Variants in GZMM observed in about 807,000 individuals in gnomAD.
GZMM encodes the protein HU-Met-1.
GZMM carries 23 observed loss-of-function variants against 19.2 expected under a neutral mutation model. The observed-to-expected ratio is 1.20, with a 90% confidence interval of 0.86 to 1.69. The LOEUF is 1.69. Ranked by LOEUF, GZMM falls within the 40% of genes most tolerant of loss-of-function variation. The pLI is 0.00. For missense variants in GZMM, 373 were observed against 352.2 expected, an observed-to-expected ratio of 1.06 and a Z score of -0.47; for synonymous variants, 178 against 160.2, an observed-to-expected ratio of 1.11 and a Z score of -0.84.
intron 2 of GZMM, 38 bp from the exon 3 acceptor site, chr19:548,504 G>C: frequency 6.2e-7 from 1 of 1,606,664 alleles, no homozygotes; most frequent in East Asian, 2.2e-5. Context: ...CGTCCACGCC[G>C]GGCCAGGCCG....
intron 1 of GZMM, among the ~76,000 whole-genome samples, chr19:546,357 G>A (rs868686883): frequency 3.8e-4 from 57 of 151,484 alleles, no homozygotes; most frequent in Non-Finnish European, 6.8e-4. Context: ...TGGCCAACAC[G>A]GCGAAACCCT....
chr19:549,017 C>T lies in GZMM; in HGVS notation c.444C>T (p.Ala148=), dbSNP rs372337474. The change falls in exon 4 of 5, where the codon GCC becomes GCT. Residue 148 remains alanine (A), a synonymous_variant. Transcript: ENST00000264553. ...VVAAGTRCSM[A]GWGLTHQGGR... is the part of the protein sequence containing the mutation. ...CAGCAGGGACTCGGTGCAGCATGGCCGGCTGGGGGCTGACCCACCAGGGCG... is the reference window on the plus strand; with the variant it reads ...CAGCAGGGACTCGGTGCAGCATGGCTGGCTGGGGGCTGACCCACCAGGGCG... The T allele has an allele frequency of 1.1e-5, 18 of 1,602,390 alleles. No homozygotes were observed. The East Asian group carries it at 1.1e-4, about 10-fold the overall frequency.
At chr19:546,185 A>T (rs1396659384) in intron 1 of GZMM, among the ~76,000 whole-genome samples, 1 of 152,232 alleles carries the variant, frequency 6.6e-6, no homozygotes, top group Non-Finnish European at 1.5e-5. Flanking sequence ...TGATTGATTT[A>T]AAATAATTTT....
chr19:548,979 C>G lies in GZMM; in HGVS notation c.406C>G (p.Arg136Gly), dbSNP rs140428817. The part of the protein sequence containing the change: ...TIRPLALPSK[R>G]QVVAAGTRCS... ...CCGGCCGTTGGCCCTGCCCAGTAAG[C>G]GCCAGGTGGTGGCAGCAGGGACTCG... The change falls in exon 4 of 5, where the codon CGC becomes GGC. Residue 136 changes from arginine (R) to glycine (G), a missense_variant. Physicochemically the swap from Arg to Gly is moderately radical, Grantham distance 125. Coordinates refer to ENST00000264553, the MANE Select transcript of GZMM (RefSeq NM_005317.4). 4 of 1,603,596 alleles carry G rather than the reference C, an allele frequency of 2.5e-6. No individual in the cohort carries two copies. In the Admixed American group the frequency reaches 6.7e-5, roughly 27 times the overall value.
chr19:548,317 G>T (rs1337005948), intron 2 of GZMM, among the ~76,000 whole-genome samples: 1 of 152,146 alleles, frequency 6.6e-6, no homozygotes, highest in African/African-American at 2.4e-5. Flanking sequence ...CCTTGCCTGG[G>T]GCCAGGGCCG....
intron 1 of GZMM, among the ~76,000 whole-genome samples, chr19:544,382 G>A (rs903942446): frequency 6.6e-6 from 1 of 152,156 alleles, no homozygotes; most frequent in Non-Finnish European, 1.5e-5. Flanking sequence ...AGAAGGCAGG[G>A]GTCACGCTCA....
intron 1 of GZMM, 138 bp downstream of exon 1, chr19:544,264 G>A (rs1242032107): frequency 1.4e-6 from 1 of 730,904 alleles, no homozygotes; most frequent in East Asian, 2.7e-5. Flanking sequence ...GGGGACTGAG[G>A]CCTGGGGCAT....
chr19:547,280 G>T lies in GZMM; in HGVS notation c.56G>T (p.Gly19Val), dbSNP rs762870720. Residue 19 changes from glycine (G) to valine (V), a missense_variant and splice_region_variant, in exon 2 of 5, where the codon GGC (glycine) becomes GTC (valine). By Grantham distance (109) the Gly-to-Val change is moderately radical. Coordinates refer to ENST00000264553, the MANE Select transcript of GZMM (RefSeq NM_005317.4). ...LVLALGALSV[G>V]SSFGTQIIGG... is the part of the protein sequence containing the mutation. ...GGCTCTTTGTCCCCCATCCTGGCAGGCAGCTCCTTTGGGACCCAGATCATC... is the reference window on the plus strand; with the variant it reads ...GGCTCTTTGTCCCCCATCCTGGCAGTCAGCTCCTTTGGGACCCAGATCATC... 2 of 1,509,364 alleles carry T rather than the reference G, an allele frequency of 1.3e-6. No homozygotes were observed. The highest frequency in any genetic ancestry group is 1.4e-5 in the African/African-American group (1 of 70,210). 93.5% of individuals were successfully genotyped at this position (1,509,364 alleles called of 1,614,324 possible).
At chr19:545,386 C>T (rs1980236785) in intron 1 of GZMM, among the ~76,000 whole-genome samples, 1 of 152,216 alleles carries the variant, frequency 6.6e-6, no homozygotes, top group Admixed American at 6.5e-5. Flanking sequence ...GCACTCTTGT[C>T]ACCCAGGCTG....
chr19:544,802 C>G (rs1340109391), intron 1 of GZMM, among the ~76,000 whole-genome samples: 1 of 145,408 alleles, frequency 6.9e-6, no homozygotes, highest in Non-Finnish European at 1.5e-5. Context: ...TTCCACCCAC[C>G]CATCCATCAT....
At chr19:545,118 C>CTTT (rs1980224260) in intron 1 of GZMM, among the ~76,000 whole-genome samples, 3 of 151,544 alleles carry the variant, frequency 2.0e-5, no homozygotes, top group Admixed American at 6.6e-5. Context: ...TCCTTTCTCC[C>CTTT]GTGCTTCTGT....
rs143288931 is a variant in GZMM, at chr19:544,655, T to C, written c.55+529T>C. Among the ~76,000 whole-genome samples the C allele has an allele frequency of 5.0e-3, 758 of 151,998 alleles. 3 individuals carry two copies. Among genetic ancestry groups the C allele is most frequent in the South Asian group, 0.017 (83 of 4,796 alleles). The stretch of plus-strand genomic sequence containing the variant: ...ACAGAGGTAGGAATCCAGCCGTCAG[T>C]CATCATCATCCTTCCTCCCATTTTT... On this transcript the variant is annotated intron_variant, in intron 1 of 4. Transcript: ENST00000264553.
At chr19:549,531 T>A in intron 4 of GZMM, 99 bp from the exon 5 acceptor site, 1 of 1,266,724 alleles carries the variant, frequency 7.9e-7, no homozygotes, top group Non-Finnish European at 1.1e-6. Flanking sequence ...TCCTTGAGCC[T>A]GGGGATAACA....
chr19:548,922 C>G lies in GZMM; in HGVS notation c.349C>G (p.Leu117Val). ...ACCTGCCCCTTCCTGTCACTCGTAG[C>G]TGGACGGGAAAGTGAAGCCCAGCCG... ...ALENDLALLQ[L>V]DGKVKPSRTI... Residue 117 changes from leucine (L) to valine (V), a missense_variant and splice_region_variant, in exon 4 of 5, where the codon CTG (leucine) becomes GTG (valine). Transcript: ENST00000264553. 1 of 1,562,280 alleles carries G rather than the reference C, an allele frequency of 6.4e-7. No homozygotes were observed. Among genetic ancestry groups the G allele is most frequent in the Non-Finnish European group, 8.7e-7 (1 of 1,151,550 alleles).
In GZMM at chr19:549,129, C is replaced by T. The variant is rs1444856871; in HGVS notation, c.556C>T (p.Leu186Phe). 17 of 1,580,254 alleles carry T rather than the reference C, an allele frequency of 1.1e-5. No homozygotes were observed. The highest frequency in any genetic ancestry group is 1.5e-5 in the Non-Finnish European group (17 of 1,164,132). ...CNNSRFWNGS[L>F]SPSMVCLAAD... is the part of the protein sequence containing the mutation. ...CAACAGCCGCTTCTGGAACGGCAGCCTCTCCCCCAGCATGGTCTGCCTGGC... is the reference window on the plus strand; with the variant it reads ...CAACAGCCGCTTCTGGAACGGCAGCTTCTCCCCCAGCATGGTCTGCCTGGC... The change falls in exon 4 of 5, where the codon CTC becomes TTC. Residue 186 changes from leucine (L) to phenylalanine (F), a missense_variant. Transcript: ENST00000264553.
Position 544,117 on chromosome 19 carries a change from C to G in GZMM, c.46C>G (p.Leu16Val). 6.5e-7 allele frequency: 1 copy of G among 1,545,052 alleles called. No homozygotes were observed. Among genetic ancestry groups the G allele is most frequent in the East Asian group, 2.4e-5 (1 of 41,078 alleles). The change falls in exon 1 of 5, where the codon CTG becomes GTG. Residue 16 changes from leucine (L) to valine (V), a missense_variant. Coordinates refer to ENST00000264553, the MANE Select transcript of GZMM (RefSeq NM_005317.4). The part of the protein sequence containing the change: ...SSLLVLALGA[L>V]SVGSSFGTQI... ...ACTGCTGGTGCTGGCCCTGGGGGCC[C>G]TGTCAGTAGGTGAGTGGGAGCCGGG... is the stretch of plus-strand genomic sequence containing the variant.
intron 3 of GZMM, 101 bp downstream of exon 3, chr19:548,778 C>CGCTGCCGACCCTCCCCCCGT (rs1980389876): frequency 1.3e-6 from 1 of 754,910 alleles, no homozygotes; most frequent in Admixed American, 2.5e-5. Context: ...CCTCCCCCCG[C>CGCTGCCGACCCTCCCCCCGT]ACTGCTGCCC....
At chr19:548,805 G>A in intron 3 of GZMM, 117 bp from the exon 4 acceptor site, 1 of 424,274 alleles carries the variant, frequency 2.4e-6, no homozygotes, top group Non-Finnish European at 3.9e-6. Context: ...CCGCACTACT[G>A]CCCCCTCCCC....
rs760557962 is a variant in GZMM at position 549,728 on chromosome 19, C to CG, written c.712dup (p.Val238GlyfsTer?). The stretch of plus-strand genomic sequence containing the variant: ...TCTGCACTGACATCTTCAAGCCTCC[C>CG]GTGGCCACCGCTGTGGCGCCTTACG... On this transcript the variant is annotated frameshift_variant, in exon 5 of 5. Transcript: ENST00000264553. LOFTEE classifies it low-confidence loss of function (END_TRUNC). 3 of 1,613,670 alleles carry CG rather than the reference C, an allele frequency of 1.9e-6. No homozygotes were observed. Among genetic ancestry groups the CG allele is most frequent in the Non-Finnish European group, 2.5e-6 (3 of 1,179,874 alleles).
Sources: allele counts gnomAD v4.1 joint callset (sites outside exome capture counted in the v4.1 genomes callset), GRCh38; gene constraint gnomAD v4.1.1; transcripts MANE v1.5; gene names NCBI Gene and HGNC (gene_info 2026-07-23, HGNC 2026-07-21).